SGCD: variants seen among roughly 807,000 people sequenced by gnomAD.
SGCD encodes the protein delta-sarcoglycan.
A neutral mutation model predicts 36.6 loss-of-function variants in SGCD; 18 were observed. The observed-to-expected ratio is 0.49, with a 90% confidence interval of 0.34 to 0.73. The LOEUF is 0.73. SGCD is among the 30% of genes least tolerant of loss of function. The pLI, the probability that SGCD is intolerant of heterozygous loss-of-function variation, is 0.01. For missense variants in SGCD, 387 were observed against 346.7 expected (o/e 1.12, Z -0.92); for synonymous variants, 133 against 130.6 (o/e 1.02, Z -0.12).
chr5:156,627,887 G>T (rs186769624), intron 6 of SGCD, among the ~76,000 whole-genome samples: 1 of 152,126 alleles, frequency 6.6e-6, no homozygotes, highest in African/African-American at 2.4e-5. Context: ...TGGAAAGACT[G>T]CCCCATCACC....
At chr5:156,186,573 G>A (rs1274842587) in intron 3 of SGCD, among the ~76,000 whole-genome samples, 1 of 152,184 alleles carries the variant, frequency 6.6e-6, no homozygotes, top group East Asian at 1.9e-4. Flanking sequence ...TTGCTCCTGA[G>A]GCATTCTCTG....
intron 3 of SGCD, among the ~76,000 whole-genome samples, chr5:156,287,296 C>A (rs1438216494): frequency 6.6e-6 from 1 of 152,056 alleles, no homozygotes; most frequent in African/African-American, 2.4e-5. Context: ...TGAGAGTTAC[C>A]CTTTTGACTG....
At chr5:156,046,067 T>C (rs1759757308) in intron 1 of SGCD, among the ~76,000 whole-genome samples, 1 of 152,160 alleles carries the variant, frequency 6.6e-6, no homozygotes, top group Non-Finnish European at 1.5e-5. Flanking sequence ...GACATTTTAT[T>C]ATAATACATA....
At chr5:156,487,053 C>G (rs889749894) in intron 3 of SGCD, among the ~76,000 whole-genome samples, 4 of 152,184 alleles carry the variant, frequency 2.6e-5, no homozygotes, top group Admixed American at 2.0e-4. Context: ...GAGAAGCTCA[C>G]TCATACTCAC....
chr5:156,757,621 A>C lies in SGCD; in HGVS notation c.616A>C (p.Lys206Gln), dbSNP rs1327580871. ...PTRSLVMEAP[K>Q]GVEINAEAGN... ...CCGGTCTCTAGTGATGGAGGCCCCA[A>C]AAGGAGTGGAAATCAATGCAGAAGC... The change falls in exon 8 of 9, where the codon AAA becomes CAA. Residue 206 changes from lysine to glutamine, a missense_variant. Coordinates refer to ENST00000337851, the MANE Select transcript of SGCD (RefSeq NM_000337.6). The C allele has an allele frequency of 6.2e-7, 1 of 1,611,784 alleles. No individual in the cohort carries two copies. Among genetic ancestry groups the C allele is most frequent in the African/African-American group, 1.3e-5 (1 of 74,982 alleles).
chr5:155,816,381 C>T, the SGCD span, among the ~76,000 whole-genome samples: 3 of 151,950 alleles, frequency 2.0e-5, no homozygotes, highest in African/African-American at 7.3e-5. Context: ...CAAAAGAAAA[C>T]ATTATTAGGA....
At chr5:156,520,199 A>C (rs1404099229) in intron 4 of SGCD, among the ~76,000 whole-genome samples, 1 of 152,242 alleles carries the variant, frequency 6.6e-6, no homozygotes, top group Non-Finnish European at 1.5e-5. Flanking sequence ...TGCAAAAATC[A>C]CGAGCATTCC....
intron 1 of SGCD, among the ~76,000 whole-genome samples, chr5:155,873,228 C>A (rs1755696803): frequency 6.6e-6 from 1 of 152,116 alleles, no homozygotes; most frequent in Non-Finnish European, 1.5e-5. Flanking sequence ...TTAGCCACAA[C>A]ACACACATAA....
At chr5:156,526,462 T>C (rs1757645244) in intron 4 of SGCD, among the ~76,000 whole-genome samples, 1 of 152,178 alleles carries the variant, frequency 6.6e-6, no homozygotes, top group South Asian at 2.1e-4. Context: ...GTATTTTCCA[T>C]GCCACTTGCA....
At chr5:156,437,685 A>G (rs1753301597) in intron 3 of SGCD, among the ~76,000 whole-genome samples, 1 of 152,212 alleles carries the variant, frequency 6.6e-6, no homozygotes, top group South Asian at 2.1e-4. Context: ...TTATCTAGCA[A>G]CAAAGGGGAG....
At chr5:156,343,309 T>C (rs963128595) in intron 2 of SGCD, among the ~76,000 whole-genome samples, 1 of 152,104 alleles carries the variant, frequency 6.6e-6, no homozygotes, top group Non-Finnish European at 1.5e-5. Flanking sequence ...GACAGCCAAA[T>C]GAAGTAAAAA....
At chr5:156,416,252 G>C (rs971759082) in intron 3 of SGCD, among the ~76,000 whole-genome samples, 2 of 152,178 alleles carry the variant, frequency 1.3e-5, no homozygotes, top group Non-Finnish European at 2.9e-5. Context: ...TATTCTAAGT[G>C]AAGTAACTCA....
chr5:156,506,238 G>A (rs1302036049), intron 3 of SGCD, among the ~76,000 whole-genome samples: 1 of 152,066 alleles, frequency 6.6e-6, no homozygotes, highest in Admixed American at 6.6e-5. Context: ...GGGATTTTTG[G>A]TATGAAAGAA....
intron 3 of SGCD, among the ~76,000 whole-genome samples, chr5:156,224,897 C>CA (rs1436445708): frequency 1.3e-5 from 2 of 152,180 alleles, no homozygotes; most frequent in East Asian, 3.9e-4. Flanking sequence ...ATAAAGTAGA[C>CA]AAAATCTTCC....
At chr5:156,055,721 G>T (rs1053800770) in intron 1 of SGCD, among the ~76,000 whole-genome samples, 5 of 146,308 alleles carry the variant, frequency 3.4e-5, no homozygotes, top group Admixed American at 6.8e-5. Flanking sequence ...GTAAATAAGA[G>T]GCAGTCAGTA....
chr5:156,421,540 TATC>T (rs1322745893), intron 3 of SGCD, among the ~76,000 whole-genome samples: 1 of 152,102 alleles, frequency 6.6e-6, no homozygotes, highest in Non-Finnish European at 1.5e-5. Flanking sequence ...TGGTCTATAA[TATC>T]ATCCTCATAC....
chr5:155,920,086 C>A (rs1267650005), intron 1 of SGCD, among the ~76,000 whole-genome samples: 1 of 152,164 alleles, frequency 6.6e-6, no homozygotes, highest in East Asian at 1.9e-4. Context: ...CAATGAGTGG[C>A]ATGTCCTGGC....
chr5:156,682,506 A>G (rs762097264), intron 7 of SGCD, among the ~76,000 whole-genome samples: 9 of 152,366 alleles, frequency 5.9e-5, no homozygotes, highest in East Asian at 5.8e-4. Flanking sequence ...CCTGTTCTAC[A>G]AAATCAAACT....
chr5:156,075,799 C>T (rs1760768057), intron 1 of SGCD, among the ~76,000 whole-genome samples: 1 of 152,094 alleles, frequency 6.6e-6, no homozygotes. Flanking sequence ...AATGAGATCC[C>T]ATAACTGGCA....
Sources: gnomAD v4.1 joint callset for allele counts (sites outside exome capture counted in the v4.1 genomes callset) on GRCh38, gnomAD v4.1.1 for gene constraint, MANE v1.5 for transcripts, NCBI Gene and HGNC (gene_info 2026-07-23, HGNC 2026-07-21) for gene names.